The following SIRPG variants were observed in gnomAD, a reference collection of about 807,000 sequenced individuals.
SIRPG encodes signal regulatory protein gamma.
SIRPG carries 38 observed loss-of-function variants against 35.7 expected under a neutral mutation model. The ratio of observed to expected loss-of-function variants is 1.06; its 90% CI spans 0.82 to 1.40. The LOEUF (loss-of-function observed/expected upper bound fraction) is 1.40, where lower values mean the gene tolerates loss of function less well. Ranked by LOEUF, SIRPG falls within the 40% of genes most tolerant of loss-of-function variation. SIRPG has a pLI of 0.00. For missense variants in SIRPG, 519 were observed against 483.0 expected, an observed-to-expected ratio of 1.07 and a Z score of -0.70; for synonymous variants, 215 against 190.4, an observed-to-expected ratio of 1.13 and a Z score of -1.06.
upstream of SIRPG, among the ~76,000 whole-genome samples, chr20:1,658,710 G>A (rs771680288): frequency 2.0e-5 from 3 of 152,170 alleles, no homozygotes; most frequent in Non-Finnish European, 2.9e-5. Context: ...TATCATGCCT[G>A]AAACCCAGTA....
the SIRPG span, among the ~76,000 whole-genome samples, chr20:1,676,237 G>A: frequency 6.6e-6 from 1 of 152,132 alleles, no homozygotes; most frequent in African/African-American, 2.4e-5. Flanking sequence ...AAGGAAATTA[G>A]GCAGTGTTCT....
the SIRPG span, among the ~76,000 whole-genome samples, chr20:1,668,878 T>C: frequency 6.6e-6 from 1 of 152,148 alleles, no homozygotes; most frequent in Admixed American, 6.5e-5. Flanking sequence ...TCTCTGATTA[T>C]AGGGGAAATT....
At chr20:1,679,630 A>T in the SIRPG span, among the ~76,000 whole-genome samples, 1 of 152,030 alleles carries the variant, frequency 6.6e-6, no homozygotes. Context: ...AGTAGAATAA[A>T]TTGTTCATCT....
At position 1,630,256 on chromosome 20, in the gene SIRPG, G is replaced by T; in HGVS notation, c.1132C>A (p.Pro378Thr). Residue 378 changes from proline to threonine, a missense_variant, in exon 5 of 6, where the codon CCC (proline) becomes ACC (threonine). Coordinates refer to ENST00000303415, the MANE Select transcript of SIRPG (RefSeq NM_018556.4). ...ALLLIAVLLG[P>T]IYVPWKQKT ...TTCTGCTTCCAGGGGACGTAGATGG[G>T]GCCCAGGAGGACAGCTATGAGGAGC... 2 of 1,574,778 alleles carry T rather than the reference G, an allele frequency of 1.3e-6. No individual in the cohort carries two copies. The highest frequency in any genetic ancestry group is 8.6e-7 in the Non-Finnish European group (1 of 1,159,404).
chr20:1,629,902 A>C (rs960233964), intron 5 of SIRPG, among the ~76,000 whole-genome samples: 1 of 152,148 alleles, frequency 6.6e-6, no homozygotes, highest in Non-Finnish European at 1.5e-5. Context: ...TACAATGTGG[A>C]TTTCTCTGAC....
Position 1,636,327 on chromosome 20 carries a change from C to A in SIRPG, c.609G>T (p.Val203=). 6.2e-7 allele frequency: 1 copy of A among 1,614,214 alleles called. No individual in the cohort carries two copies. Among genetic ancestry groups the A allele is most frequent in the Non-Finnish European group, 8.5e-7 (1 of 1,180,046 alleles). The stretch of plus-strand genomic sequence containing the variant: ...TGGCTGTGCTGCGGATGCTGTAGGC[C>A]ACACTCTGTCCTGTGGGGTCCACGT... ...QTNVDPTGQS[V]AYSIRSTARV... is the part of the protein sequence containing the mutation. Residue 203 remains valine (V), a synonymous_variant, in exon 3 of 6, where the codon GTG becomes GTT. Transcript: ENST00000303415.
At chr20:1,675,258 C>T in the SIRPG span, among the ~76,000 whole-genome samples, 1 of 152,072 alleles carries the variant, frequency 6.6e-6, no homozygotes, top group East Asian at 1.9e-4. Flanking sequence ...CTGCAGGAGG[C>T]CCGACTTTGC....
At chr20:1,670,140 T>C in the SIRPG span, 1 of 260,896 alleles carries the variant, frequency 3.8e-6, no homozygotes, top group Non-Finnish European at 8.4e-6. Context: ...TCCAACCAGG[T>C]CAGCTGTAGG....
At chr20:1,674,229 C>A in the SIRPG span, among the ~76,000 whole-genome samples, 1 of 135,692 alleles carries the variant, frequency 7.4e-6, no homozygotes, top group African/African-American at 2.6e-5. Flanking sequence ...TTTTTTTTTT[C>A]AAATTTCCCA....
chr20:1,643,997 C>G (rs747006327), intron 2 of SIRPG, among the ~76,000 whole-genome samples: 1 of 152,186 alleles, frequency 6.6e-6, no homozygotes. Flanking sequence ...AGTAGGAGCA[C>G]TCCTGTGTAG....
Position 1,634,450 on chromosome 20 carries a change from G to A in SIRPG, c.1081+817C>T, listed in dbSNP as rs527727412. On this transcript the variant is annotated intron_variant, in intron 4 of 5. Transcript: ENST00000303415. Reference sequence around the variant, plus strand: ...TCTCGATCTCCTGACCTCGTGATCCGCCCGCCTCGGCCTCCCAAAGTGCTG... The same window carrying A: ...TCTCGATCTCCTGACCTCGTGATCCACCCGCCTCGGCCTCCCAAAGTGCTG... Among the ~76,000 whole-genome samples, 643 of 151,306 alleles carry A rather than the reference G, an allele frequency of 4.2e-3. 5 individuals are homozygous for A. The highest frequency in any genetic ancestry group is 0.015 in the African/African-American group (605 of 41,274).
chr20:1,639,592 G>GTTTCTA (rs1271425089), intron 2 of SIRPG, among the ~76,000 whole-genome samples: 1 of 152,100 alleles, frequency 6.6e-6, no homozygotes, highest in Non-Finnish European at 1.5e-5. Context: ...TCTCATGATA[G>GTTTCTA]TTTCTATTCC....
the SIRPG span, among the ~76,000 whole-genome samples, chr20:1,667,298 AC>A: frequency 6.6e-6 from 1 of 152,212 alleles, no homozygotes; most frequent in African/African-American, 2.4e-5. Context: ...AAGAGGCCAT[AC>A]CATATGGCCT....
Position 1,635,275 on chromosome 20 carries a change from G to C in SIRPG, c.1073C>G (p.Ala358Gly). Residue 358 changes from alanine to glycine, a missense_variant, in exon 4 of 6, where the codon GCT (alanine) becomes GGT (glycine). Coordinates refer to ENST00000303415, the MANE Select transcript of SIRPG (RefSeq NM_018556.4). Reference sequence around the variant, plus strand: ...ATTTTGAGTAACCTCACCAGGGGTAGCATCTGAGCTCTGGTCCTTCTGGTG... The same window carrying C: ...ATTTTGAGTAACCTCACCAGGGGTACCATCTGAGCTCTGGTCCTTCTGGTG... ...TVHQKDQSSDATPGPASSLTA... is the reference protein window; with the variant it reads ...TVHQKDQSSDGTPGPASSLTA... 1 of 1,603,124 alleles carries C rather than the reference G, an allele frequency of 6.2e-7. No individual in the cohort carries two copies. Among genetic ancestry groups the C allele is most frequent in the African/African-American group, 1.3e-5 (1 of 74,710 alleles).
In SIRPG at chr20:1,640,923, G is replaced by A. The variant is rs767711715; in HGVS notation, c.431-4418C>T. ...TGATGGATTACATTTCTTGATTTGC[G>A]TATGTTGAACAAGCCTTGCATGCCA... On this transcript the variant is annotated intron_variant, in intron 2 of 5. Transcript: ENST00000303415. 1.4e-4 allele frequency among the ~76,000 whole-genome samples: 22 copies of A among 152,248 alleles called. No homozygotes were observed. The South Asian group carries it at 1.4e-3, about 10-fold the overall frequency.
At chr20:1,660,075 A>G (rs1273606828), upstream of SIRPG, among the ~76,000 whole-genome samples, 1 of 152,258 alleles carries the variant, frequency 6.6e-6, no homozygotes, top group Admixed American at 6.5e-5. Context: ...TGATCTTATA[A>G]GGAAAACAAA....
At chr20:1,668,265 C>CT in the SIRPG span, among the ~76,000 whole-genome samples, 1 of 78,882 alleles carries the variant, frequency 1.3e-5, no homozygotes, top group African/African-American at 5.2e-5. Flanking sequence ...TTTTCTTTTT[C>CT]TTTTCTTTCT....
At chr20:1,674,245 T>C in the SIRPG span, among the ~76,000 whole-genome samples, 4 of 151,878 alleles carry the variant, frequency 2.6e-5, no homozygotes, top group East Asian at 7.8e-4. Flanking sequence ...TCCCAGATGA[T>C]TCTAATGAGC....
chr20:1,656,543 G>A (rs2091977314), intron 1 of SIRPG, among the ~76,000 whole-genome samples: 3 of 152,174 alleles, frequency 2.0e-5, no homozygotes, highest in Non-Finnish European at 4.4e-5. Flanking sequence ...TCACAGCAGG[G>A]CCCAGTGGGC....
Sources: allele counts gnomAD v4.1 joint callset (sites outside exome capture counted in the v4.1 genomes callset), GRCh38; gene constraint gnomAD v4.1.1; transcripts MANE v1.5; gene names NCBI Gene and HGNC (gene_info 2026-07-23, HGNC 2026-07-21).